Variants in DSE observed in about 807,000 individuals in gnomAD.
DSE encodes the protein dermatan sulfate epimerase, also known as dermatan-sulfate epimerase.
In DSE, 36 loss-of-function variants were observed where a neutral mutation model predicts 84.4. The ratio of observed to expected loss-of-function variants is 0.43; its 90% CI spans 0.33 to 0.56. The LOEUF (loss-of-function observed/expected upper bound fraction) is 0.56, where lower values mean the gene tolerates loss of function less well. Among genes scored for constraint, DSE ranks in the 20% least tolerant of loss-of-function variants. DSE has a pLI of 0.06. For synonymous variants in DSE, 410 were observed against 430.1 expected, an observed-to-expected ratio of 0.95 and a Z score of 0.58; for missense variants, 862 against 1,169.6, an observed-to-expected ratio of 0.74 and a Z score of 3.84.
At chr6:116,423,496 T>C (rs1015299190) in intron 2 of DSE, among the ~76,000 whole-genome samples, 1 of 152,228 alleles carries the variant, frequency 6.6e-6, no homozygotes, top group African/African-American at 2.4e-5. Context: ...ATTCAGAGAA[T>C]AGGTTTTGGC....
Position 116,440,639 on chromosome 6 carries a change from GCATGTAATT to G in DSE, c.*3295_*3303del, listed in dbSNP as rs1784395741. On this transcript the variant is annotated 3_prime_UTR_variant, in exon 6 of 6. Transcript: ENST00000644252. ...ATGAATATAGTCATAGGTATGAGGG[GCATGTAATT>G]TATCTTCCGACTGGAGATACCTTTG... The G allele has an allele frequency of 6.6e-6, 1 of 152,160 alleles. No individual in the cohort carries two copies. The highest frequency in any genetic ancestry group is 1.5e-5 in the Non-Finnish European group (1 of 68,022). 9.4% of individuals were successfully genotyped at this position (152,160 alleles called of 1,614,324 possible).
At chr6:116,365,307 G>A (rs1210445165) in intron 2 of DSE, among the ~76,000 whole-genome samples, 1 of 152,084 alleles carries the variant, frequency 6.6e-6, no homozygotes, top group East Asian at 1.9e-4. Context: ...CCAGGCTGGA[G>A]TGCAGTGGTG....
At chr6:116,394,967 T>G (rs1336435244) in intron 1 of DSE, among the ~76,000 whole-genome samples, 1 of 152,208 alleles carries the variant, frequency 6.6e-6, no homozygotes, top group Non-Finnish European at 1.5e-5. Context: ...ACTTAAAGAT[T>G]TAAAGGGCCT....
rs571329247 is a variant in DSE, at chr6:116,307,374, A to G, written c.-54+48407A>G. On this transcript the variant is annotated intron_variant, in intron 2 of 3. Coordinates refer to the DSE transcript ENST00000430252. ...AAGCCGATGCATTGTATATGCTCCTACTTGCCTGTTCCTATGTCTTCAGTG... is the reference window on the plus strand; with the variant it reads ...AAGCCGATGCATTGTATATGCTCCTGCTTGCCTGTTCCTATGTCTTCAGTG... Among the ~76,000 whole-genome samples the G allele has an allele frequency of 1.2e-3, 176 of 152,328 alleles. 4 individuals carry two copies. In the South Asian group the frequency reaches 0.036, roughly 31 times the overall value.
At chr6:116,272,427 GAC>G (rs1772921665) in intron 2 of DSE, among the ~76,000 whole-genome samples, 1 of 152,170 alleles carries the variant, frequency 6.6e-6, no homozygotes, top group Non-Finnish European at 1.5e-5. Context: ...GAATTTCAAA[GAC>G]AGACGACACC....
chr6:116,371,652 C>T (rs1217954637), intron 1 of DSE, among the ~76,000 whole-genome samples: 3 of 152,188 alleles, frequency 2.0e-5, no homozygotes, highest in East Asian at 3.9e-4. Flanking sequence ...GAAGAGCTCC[C>T]CAAGCCTCTC....
At chr6:116,258,962 T>C (rs767143142) in exon 2 of DSE, 1 of 1,496,596 alleles carries the variant, frequency 6.7e-7, no homozygotes, top group Non-Finnish European at 9.3e-7. Flanking sequence ...CACCCTGCAC[T>C]GTGAGGTAGG....
intron 2 of DSE, chr6:116,279,390 C>T (rs988977244): frequency 8.7e-6 from 14 of 1,613,012 alleles, no homozygotes; most frequent in Non-Finnish European, 1.1e-5. Flanking sequence ...CAGCCTCCGC[C>T]CCCGCCGTCA....
At chr6:116,285,934 T>C (rs1773877202) in intron 2 of DSE, among the ~76,000 whole-genome samples, 1 of 152,190 alleles carries the variant, frequency 6.6e-6, no homozygotes, top group Non-Finnish European at 1.5e-5. Flanking sequence ...CCTTGTAGTA[T>C]AGTTTGAAGT....
intron 2 of DSE, among the ~76,000 whole-genome samples, chr6:116,410,459 C>T (rs1393752139): frequency 1.3e-5 from 2 of 152,116 alleles, no homozygotes; most frequent in African/African-American, 2.4e-5. Context: ...ACAGGCCGAG[C>T]GTGGTGGCTC....
At chr6:116,259,181 G>A in intron 2 of DSE, 1 of 724,568 alleles carries the variant, frequency 1.4e-6, no homozygotes. Flanking sequence ...GGCACAGACA[G>A]GAAGAGCAAA....
intron 1 of DSE, chr6:116,375,641 C>A: frequency 2.5e-6 from 2 of 813,032 alleles, no homozygotes; most frequent in Non-Finnish European, 3.0e-6. Context: ...AAGAATCAAA[C>A]TAGAAAGAGA....
At chr6:116,408,287 C>A (rs1782068508) in intron 2 of DSE, among the ~76,000 whole-genome samples, 1 of 152,102 alleles carries the variant, frequency 6.6e-6, no homozygotes, top group Non-Finnish European at 1.5e-5. Context: ...GGAACCCATG[C>A]AAAACTGTTA....
At chr6:116,399,161 G>A in intron 1 of DSE, 37 bp from the exon 2 acceptor site, 1 of 1,565,806 alleles carries the variant, frequency 6.4e-7, no homozygotes, top group Non-Finnish European at 8.7e-7. Flanking sequence ...TGTTCCCTTG[G>A]CTGACAGACA....
intron 2 of DSE, among the ~76,000 whole-genome samples, chr6:116,311,008 C>T (rs932950297): frequency 6.6e-6 from 1 of 152,192 alleles, no homozygotes; most frequent in Non-Finnish European, 1.5e-5. Flanking sequence ...GCTGCGCTTC[C>T]AGTGTGCCAT....
At chr6:116,262,303 T>G (rs540341732) in intron 2 of DSE, among the ~76,000 whole-genome samples, 2 of 152,332 alleles carry the variant, frequency 1.3e-5, no homozygotes, top group East Asian at 1.9e-4. Flanking sequence ...GAACTCAATA[T>G]TGGTCTGTTC....
exon 2 of DSE, chr6:116,258,922 TGAGCTTTGTGGAA>T (rs1772278155): frequency 1.9e-6 from 3 of 1,565,686 alleles, no homozygotes; most frequent in Non-Finnish European, 2.6e-6. Context: ...AATGGGACAC[TGAGCTTTGTGGAA>T]GCATTTGGCG....
intron 1 of DSE, among the ~76,000 whole-genome samples, chr6:116,256,984 G>A (rs532022777): frequency 6.6e-6 from 1 of 152,076 alleles, no homozygotes; most frequent in Non-Finnish European, 1.5e-5. Flanking sequence ...ATTTTTATTT[G>A]CAAGGAGAAA....
At chr6:116,280,038 G>A in intron 2 of DSE, 1 of 683,964 alleles carries the variant, frequency 1.5e-6, no homozygotes, top group African/African-American at 1.8e-5. Flanking sequence ...CGGATTCTCT[G>A]GGCTTTATTT....
Sources: gnomAD v4.1 joint callset for allele counts (sites outside exome capture counted in the v4.1 genomes callset) on GRCh38, gnomAD v4.1.1 for gene constraint, MANE v1.5 for transcripts, NCBI Gene and HGNC (gene_info 2026-07-23, HGNC 2026-07-21) for gene names.